Variants in TBL1XR1 observed in about 807,000 individuals in gnomAD.
TBL1XR1 encodes the protein F-box-like/WD repeat-containing protein TBL1XR1.
TBL1XR1 carries 5 observed loss-of-function variants against 66.9 expected under a neutral mutation model. The ratio of observed to expected loss-of-function variants is 0.07; its 90% CI spans 0.04 to 0.16. The LOEUF (loss-of-function observed/expected upper bound fraction) is 0.16. Among genes scored for constraint, TBL1XR1 ranks in the 10% least tolerant of loss-of-function variants. TBL1XR1 has a pLI of 1.00. For synonymous variants in TBL1XR1, 210 were observed against 206.0 expected, an observed-to-expected ratio of 1.02 and a Z score of -0.17; for missense variants, 238 against 623.2, an observed-to-expected ratio of 0.38 and a Z score of 6.58.
At chr3:177,032,098 CT>C in intron 14 of TBL1XR1, among the ~76,000 whole-genome samples, 1 of 152,256 alleles carries the variant, frequency 6.6e-6, no homozygotes, top group African/African-American at 2.4e-5. Context: ...TAAAATATTA[CT>C]TTATATTGTC....
intron 14 of TBL1XR1, chr3:177,027,041 G>C (rs1713237673): frequency 6.6e-6 from 1 of 152,390 alleles, no homozygotes; most frequent in East Asian, 1.9e-4. Flanking sequence ...TTGTTACCCA[G>C]GATGGATGCA....
intron 1 of TBL1XR1, among the ~76,000 whole-genome samples, chr3:177,172,632 GA>G (rs1389687573): frequency 1.3e-4 from 9 of 69,156 alleles, no homozygotes; most frequent in African/African-American, 4.0e-4. Flanking sequence ...AAGAAAGAGA[GA>G]AGAGAGAGAG....
chr3:177,073,565 A>G (rs1720312095), intron 2 of TBL1XR1, among the ~76,000 whole-genome samples: 1 of 152,228 alleles, frequency 6.6e-6, no homozygotes, highest in African/African-American at 2.4e-5. Context: ...GGAAAGATTC[A>G]ATCATTTTAC....
At chr3:177,155,688 ACTT>A (rs1731405048) in intron 1 of TBL1XR1, among the ~76,000 whole-genome samples, 1 of 152,208 alleles carries the variant, frequency 6.6e-6, no homozygotes, top group Non-Finnish European at 1.5e-5. Context: ...AAAAAAATGA[ACTT>A]CAACTTTTAC....
intron 10 of TBL1XR1, among the ~76,000 whole-genome samples, chr3:177,041,416 A>G (rs2108450541): frequency 6.6e-6 from 1 of 152,220 alleles, no homozygotes. Context: ...CACCAGAATC[A>G]CTTCCTTCCT....
chr3:177,168,623 A>C (rs1733107570), intron 1 of TBL1XR1, among the ~76,000 whole-genome samples: 1 of 152,192 alleles, frequency 6.6e-6, no homozygotes, highest in African/African-American at 2.4e-5. Context: ...TGTATTTCAC[A>C]ATCAGTTGTT....
At chr3:177,159,537 T>G (rs1478735703) in intron 1 of TBL1XR1, among the ~76,000 whole-genome samples, 2 of 152,210 alleles carry the variant, frequency 1.3e-5, no homozygotes, top group African/African-American at 4.8e-5. Context: ...TCTCATCACA[T>G]TTTCAGCAGC....
intron 1 of TBL1XR1, among the ~76,000 whole-genome samples, chr3:177,116,110 G>A (rs1726275914): frequency 6.6e-6 from 1 of 152,106 alleles, no homozygotes; most frequent in South Asian, 2.1e-4. Context: ...AAGGGCAATG[G>A]AATTTTGAAA....
At position 177,166,712 on chromosome 3, in the gene TBL1XR1, T is replaced by C. The variant is rs1465901407; in HGVS notation, c.-122+30409A>G. ...AAAACTCTTTTCTATATAAATTACCTGGTTTGGGGCTGTTCTCTATAGCAG... is the reference window on the plus strand; with the variant it reads ...AAAACTCTTTTCTATATAAATTACCCGGTTTGGGGCTGTTCTCTATAGCAG... On this transcript the variant is annotated intron_variant, in intron 1 of 15. Coordinates refer to ENST00000457928, the MANE Select transcript of TBL1XR1 (RefSeq NM_024665.7). Among the ~76,000 whole-genome samples, 50 of 152,224 alleles carry C rather than the reference T, an allele frequency of 3.3e-4. 1 individual carries two copies. Among genetic ancestry groups the C allele is most frequent in the Admixed American group, 3.3e-3 (50 of 15,274 alleles).
At chr3:177,074,281 G>A (rs944593997) in intron 2 of TBL1XR1, among the ~76,000 whole-genome samples, 1 of 152,084 alleles carries the variant, frequency 6.6e-6, no homozygotes, top group African/African-American at 2.4e-5. Flanking sequence ...CAAGAAACTA[G>A]TCTACACTCA....
intron 1 of TBL1XR1, among the ~76,000 whole-genome samples, chr3:177,138,365 T>C (rs965173327): frequency 6.6e-6 from 1 of 151,992 alleles, no homozygotes; most frequent in African/African-American, 2.4e-5. Context: ...GAGGCCGAGG[T>C]GGGAGAACTG....
intron 1 of TBL1XR1, among the ~76,000 whole-genome samples, chr3:177,161,257 T>C (rs966093898): frequency 6.6e-6 from 1 of 152,200 alleles, no homozygotes; most frequent in African/African-American, 2.4e-5. Flanking sequence ...ACTCCTTGCT[T>C]TCCCATGTGT....
chr3:177,185,605 C>T (rs1013428537), intron 1 of TBL1XR1, among the ~76,000 whole-genome samples: 1 of 106,436 alleles, frequency 9.4e-6, no homozygotes, highest in Non-Finnish European at 2.2e-5. Flanking sequence ...GAGACTGTTT[C>T]CAAAAAAAAA....
intron 4 of TBL1XR1, among the ~76,000 whole-genome samples, chr3:177,053,192 T>A (rs1409660697): frequency 1.3e-5 from 2 of 152,106 alleles, no homozygotes; most frequent in East Asian, 3.9e-4. Context: ...AGACAGTAAA[T>A]ATTAATTTAG....
chr3:177,088,369 C>CTATA (rs373548337), intron 2 of TBL1XR1, among the ~76,000 whole-genome samples: 1 of 151,628 alleles, frequency 6.6e-6, no homozygotes, highest in African/African-American at 2.4e-5. Flanking sequence ...TGCCCTCAGG[C>CTATA]TATATATATA....
intron 7 of TBL1XR1, among the ~76,000 whole-genome samples, chr3:177,048,160 T>C (rs544824660): frequency 1.3e-4 from 20 of 152,258 alleles, no homozygotes; most frequent in Admixed American, 1.2e-3. Context: ...GCTGACTTTA[T>C]AGTTAATGAA....
chr3:177,170,610 A>G (rs1327396488), intron 1 of TBL1XR1, among the ~76,000 whole-genome samples: 1 of 152,108 alleles, frequency 6.6e-6, no homozygotes, highest in South Asian at 2.1e-4. Flanking sequence ...TCACATTTAT[A>G]TTCTAAAGTC....
chr3:177,094,054 G>C (rs866099043), intron 2 of TBL1XR1, among the ~76,000 whole-genome samples: 4 of 152,148 alleles, frequency 2.6e-5, no homozygotes, highest in Admixed American at 2.0e-4. Context: ...CACAGAGTGA[G>C]AGAAAATCTC....
At chr3:177,057,991 A>T (rs1264725198) in intron 3 of TBL1XR1, among the ~76,000 whole-genome samples, 1 of 152,116 alleles carries the variant, frequency 6.6e-6, no homozygotes, top group Admixed American at 6.6e-5. Flanking sequence ...GCTTTCTGTA[A>T]GGATGTTAGG....
Sources: allele counts gnomAD v4.1 joint callset (sites outside exome capture counted in the v4.1 genomes callset), GRCh38; gene constraint gnomAD v4.1.1; transcripts MANE v1.5; gene names NCBI Gene and HGNC (gene_info 2026-07-23, HGNC 2026-07-21).